Variants in PLEKHA8 observed in about 807,000 individuals in gnomAD.
PLEKHA8 encodes the protein pleckstrin homology domain-containing family A member 8.
A neutral mutation model predicts 68.2 loss-of-function variants in PLEKHA8; 36 were observed. The ratio of observed to expected loss-of-function variants is 0.53; its 90% CI spans 0.40 to 0.70. The LOEUF is 0.70. Ranked by LOEUF, PLEKHA8 falls within the 30% of genes least tolerant of loss-of-function variation. The pLI, the probability that PLEKHA8 is intolerant of heterozygous loss-of-function variation, is 0.00. For missense variants in PLEKHA8, 505 were observed against 615.4 expected, an observed-to-expected ratio of 0.82 and a Z score of 1.90; for synonymous variants, 211 against 216.1, an observed-to-expected ratio of 0.98 and a Z score of 0.20.
chr7:30,052,057 C>A (rs1388487410), intron 6 of PLEKHA8, among the ~76,000 whole-genome samples: 1 of 151,986 alleles, frequency 6.6e-6, no homozygotes, highest in African/African-American at 2.4e-5. Flanking sequence ...AGAAGAAGCC[C>A]CCCAGGGAGA....
At chr7:30,057,379 G>A (rs975779607) in intron 9 of PLEKHA8, among the ~76,000 whole-genome samples, 18 of 151,728 alleles carry the variant, frequency 1.2e-4, no homozygotes, top group African/African-American at 4.4e-4. Context: ...TTGCTAAGTA[G>A]TATTCCATTA....
chr7:30,091,212 A>G (rs927877366), downstream of PLEKHA8, among the ~76,000 whole-genome samples: 3 of 151,874 alleles, frequency 2.0e-5, no homozygotes, highest in African/African-American at 4.8e-5. Flanking sequence ...ATATTCACCT[A>G]AAGTGGATTA....
chr7:30,062,371 C>T (rs183479914), intron 11 of PLEKHA8, among the ~76,000 whole-genome samples: 3 of 152,268 alleles, frequency 2.0e-5, no homozygotes, highest in South Asian at 2.1e-4. Context: ...TTCAGTAACT[C>T]GGGTGGGGCC....
At chr7:30,114,703 C>A (rs1583483245) in intron 13 of PLEKHA8, among the ~76,000 whole-genome samples, 1 of 152,130 alleles carries the variant, frequency 6.6e-6, no homozygotes, top group East Asian at 1.9e-4. Flanking sequence ...TTAAAGAAGG[C>A]TGTTTTTCTG....
chr7:30,036,717 T>G (rs918221560), intron 1 of PLEKHA8, among the ~76,000 whole-genome samples: 6 of 152,232 alleles, frequency 3.9e-5, no homozygotes, highest in African/African-American at 1.4e-4. Context: ...AATTATAGTC[T>G]TCTTACCATC....
chr7:30,069,605 G>A (rs1794100928), intron 12 of PLEKHA8: 1 of 152,210 alleles, frequency 6.6e-6, no homozygotes, highest in African/African-American at 2.4e-5. Flanking sequence ...GAGCTGTGCT[G>A]TTTCCATAAC....
chr7:30,066,074 C>T (rs149181614), intron 12 of PLEKHA8, among the ~76,000 whole-genome samples: 2 of 152,344 alleles, frequency 1.3e-5, no homozygotes, highest in East Asian at 3.9e-4. Flanking sequence ...CACTTGTCTA[C>T]ATCTTGATAA....
chr7:30,087,058 G>A (rs907519408), downstream of PLEKHA8, among the ~76,000 whole-genome samples: 2 of 152,200 alleles, frequency 1.3e-5, no homozygotes, highest in African/African-American at 2.4e-5. Flanking sequence ...CAAAGTTGTC[G>A]CATCTTTGCT....
At position 30,079,544 on chromosome 7, in the gene PLEKHA8, A is replaced by G; in HGVS notation, c.*757A>G. The G allele has an allele frequency of 1.1e-6, 1 of 932,836 alleles. No homozygotes were observed. The allele number at this position is 932,836 out of a possible 1,614,324, so 57.8% of individuals were successfully genotyped here. On this transcript the variant is annotated 3_prime_UTR_variant, in exon 14 of 14. Coordinates refer to ENST00000449726, the MANE Select transcript of PLEKHA8 (RefSeq NM_001197026.2). ...CAGCATGTTCCCCATGCATTATCTC[A>G]ATTGGACATCACAAGTAATGATACC...
chr7:30,109,463 C>T (rs1037113042), intron 13 of PLEKHA8, among the ~76,000 whole-genome samples: 1 of 151,664 alleles, frequency 6.6e-6, no homozygotes, highest in African/African-American at 2.4e-5. Context: ...TGGTGGATGC[C>T]TGTAATCCCA....
intron 13 of PLEKHA8, among the ~76,000 whole-genome samples, chr7:30,109,601 A>G (rs1213281390): frequency 1.1e-4 from 15 of 142,846 alleles, no homozygotes; most frequent in Non-Finnish European, 1.7e-4. Context: ...AAAAAAAAAA[A>G]AAAAAAAAAA....
At position 30,083,667 on chromosome 7, in the gene PLEKHA8, G is replaced by A; in HGVS notation, c.*4880G>A. Reference sequence around the variant, plus strand: ...GAAAAAAATACCACTACTCTGCAATGCAAAAGTCTTCAAAATTCTTTGTTT... The same window carrying A: ...GAAAAAAATACCACTACTCTGCAATACAAAAGTCTTCAAAATTCTTTGTTT... On this transcript the variant is annotated 3_prime_UTR_variant, in exon 14 of 14. Transcript: ENST00000449726. 1 of 985,382 alleles carries A rather than the reference G, an allele frequency of 1.0e-6. No homozygotes were observed. Among genetic ancestry groups the A allele is most frequent in the Non-Finnish European group, 1.2e-6 (1 of 829,916 alleles). 61.0% of individuals were successfully genotyped at this position (985,382 alleles called of 1,614,324 possible).
At chr7:30,077,207 A>G (rs967339615) in intron 13 of PLEKHA8, among the ~76,000 whole-genome samples, 2 of 152,110 alleles carry the variant, frequency 1.3e-5, no homozygotes, top group African/African-American at 4.8e-5. Flanking sequence ...ATTCTATTAT[A>G]TATAATCTGT....
At chr7:30,066,581 T>A (rs1034304949) in intron 12 of PLEKHA8, among the ~76,000 whole-genome samples, 4 of 152,200 alleles carry the variant, frequency 2.6e-5, no homozygotes, top group African/African-American at 9.6e-5. Context: ...AAGGCAGATA[T>A]GTTTAATAAT....
chr7:30,118,817 T>C (rs184369350), intron 13 of PLEKHA8, among the ~76,000 whole-genome samples: 257 of 152,064 alleles, frequency 1.7e-3, no homozygotes, highest in African/African-American at 5.9e-3. Flanking sequence ...GACCTTGTGA[T>C]CCGCCCGTCT....
At chr7:30,048,839 A>C (rs1221923190) in intron 4 of PLEKHA8, among the ~76,000 whole-genome samples, 1 of 137,826 alleles carries the variant, frequency 7.3e-6, no homozygotes, top group Non-Finnish European at 1.6e-5. Flanking sequence ...ATAGACTGTG[A>C]GGGGAGGGGG....
intron 12 of PLEKHA8, among the ~76,000 whole-genome samples, chr7:30,063,733 A>G (rs1793623541): frequency 6.6e-6 from 1 of 152,200 alleles, no homozygotes; most frequent in Admixed American, 6.5e-5. Context: ...TTTGTGAACA[A>G]TGTAGACTTC....
chr7:30,112,577 C>T (rs374858390), intron 13 of PLEKHA8, among the ~76,000 whole-genome samples: 14 of 151,934 alleles, frequency 9.2e-5, no homozygotes, highest in South Asian at 8.3e-4. Context: ...TGGCCAGGCA[C>T]GGTGGCTCAT....
At chr7:30,129,072 T>C (rs1796830351) in intron 13 of PLEKHA8, among the ~76,000 whole-genome samples, 1 of 152,186 alleles carries the variant, frequency 6.6e-6, no homozygotes, top group Non-Finnish European at 1.5e-5. Context: ...GGTCAAATAT[T>C]CAAACTATAG....
Sources: gnomAD v4.1 joint callset for allele counts (sites outside exome capture counted in the v4.1 genomes callset) on GRCh38, gnomAD v4.1.1 for gene constraint, MANE v1.5 for transcripts, NCBI Gene and HGNC (gene_info 2026-07-23, HGNC 2026-07-21) for gene names.